The following TANGO6 variants were observed in gnomAD, a reference collection of about 807,000 sequenced individuals.
TANGO6 encodes transport and golgi organization 6 homolog.
A neutral mutation model predicts 114.2 loss-of-function variants in TANGO6; 90 were observed. That is an observed-to-expected ratio of 0.79 (90% CI 0.66 to 0.94). The LOEUF is 0.94. Ranked by LOEUF, TANGO6 falls within the 40% of genes least tolerant of loss-of-function variation. The pLI is 0.00. For missense variants in TANGO6, 1,274 were observed against 1,315.3 expected, an observed-to-expected ratio of 0.97 and a Z score of 0.49; for synonymous variants, 477 against 509.8, an observed-to-expected ratio of 0.94 and a Z score of 0.87.
chr16:68,925,300 ACT>A (rs1211399746), intron 12 of TANGO6, among the ~76,000 whole-genome samples: 4 of 151,850 alleles, frequency 2.6e-5, no homozygotes. Flanking sequence ...ATAGAGCAAG[ACT>A]CTGTCTCAAA....
chr16:68,853,186 G>A (rs1961933088), intron 1 of TANGO6, among the ~76,000 whole-genome samples: 1 of 151,536 alleles, frequency 6.6e-6, no homozygotes, highest in Admixed American at 6.6e-5. Flanking sequence ...GCTGAGGCAT[G>A]AGAATCACTT....
intron 16 of TANGO6, among the ~76,000 whole-genome samples, chr16:69,039,698 A>G (rs1284111022): frequency 1.3e-5 from 2 of 152,254 alleles, no homozygotes; most frequent in Non-Finnish European, 1.5e-5. Context: ...GTCCTATTCC[A>G]TATTCAGGAA....
At chr16:69,075,011 G>T (rs1046355956) in intron 17 of TANGO6, among the ~76,000 whole-genome samples, 4 of 151,856 alleles carry the variant, frequency 2.6e-5, no homozygotes, top group Non-Finnish European at 5.9e-5. Context: ...ACTACGCCTG[G>T]CTAATTTTTT....
intron 15 of TANGO6, among the ~76,000 whole-genome samples, chr16:68,997,155 G>A (rs1286157493): frequency 3.3e-5 from 5 of 152,170 alleles, no homozygotes; most frequent in African/African-American, 1.2e-4. Context: ...AGTGTCACAG[G>A]GTGAATCCCA....
intron 9 of TANGO6, among the ~76,000 whole-genome samples, chr16:68,904,146 G>A (rs374357091): frequency 2.0e-4 from 30 of 151,882 alleles, no homozygotes; most frequent in Non-Finnish European, 3.5e-4. Flanking sequence ...TTGCTCTGTC[G>A]CTCAGACTGG....
intron 15 of TANGO6, among the ~76,000 whole-genome samples, chr16:69,012,556 CAAAAAAAAAAAAA>C (rs1175561720): frequency 5.5e-5 from 2 of 36,510 alleles, no homozygotes; most frequent in Non-Finnish European, 1.0e-4. Context: ...AACTCTGTCT[CAAAAAAAAAAAAA>C]AAAAAAAAAG....
At chr16:68,927,522 T>A in intron 12 of TANGO6, 46 bp from the exon 13 acceptor site, 1 of 1,587,620 alleles carries the variant, frequency 6.3e-7, no homozygotes, top group Non-Finnish European at 8.6e-7. Flanking sequence ...CATATTGAAA[T>A]TTGCTATGTT....
chr16:68,994,505 A>G (rs548808900), intron 15 of TANGO6, among the ~76,000 whole-genome samples: 47 of 152,170 alleles, frequency 3.1e-4, no homozygotes, highest in African/African-American at 1.1e-3. Flanking sequence ...AGCCTATAAG[A>G]AGCAGGTAGC....
intron 17 of TANGO6, among the ~76,000 whole-genome samples, chr16:69,062,425 T>G (rs1960135582): frequency 6.6e-6 from 1 of 152,126 alleles, no homozygotes. Flanking sequence ...TATTATTAGA[T>G]TGTAAGAGTT....
Position 68,927,955 on chromosome 16 carries a change from C to T in TANGO6, c.2515C>T (p.Leu839Phe). 6.2e-7 allele frequency: 1 copy of T among 1,613,826 alleles called. No individual in the cohort carries two copies. Among genetic ancestry groups the T allele is most frequent in the East Asian group, 2.2e-5 (1 of 44,886 alleles). ...QKSGSVTTEQ[L>F]QEVLLSAYDP... ...ATCTGGAAGCGTAACCACAGAACAGCTCCAAGAGGTTCTTTTGTCAGCTTA... is the reference window on the plus strand; with the variant it reads ...ATCTGGAAGCGTAACCACAGAACAGTTCCAAGAGGTTCTTTTGTCAGCTTA... Residue 839 changes from leucine to phenylalanine, a missense_variant, in exon 13 of 18, where the codon CTC becomes TTC. Coordinates refer to ENST00000261778, the MANE Select transcript of TANGO6 (RefSeq NM_024562.2).
chr16:68,950,554 G>T (rs1351300785), intron 14 of TANGO6, among the ~76,000 whole-genome samples: 1 of 151,458 alleles, frequency 6.6e-6, no homozygotes, highest in African/African-American at 2.4e-5. Flanking sequence ...GACAGAGCGA[G>T]ACTCTGTTTT....
intron 14 of TANGO6, among the ~76,000 whole-genome samples, chr16:68,955,844 T>C (rs1232170543): frequency 2.0e-5 from 3 of 152,090 alleles, no homozygotes; most frequent in African/African-American, 7.2e-5. Context: ...ATGAGATAAC[T>C]CAGCTAAAAA....
chr16:68,919,351 T>C, intron 12 of TANGO6, 132 bp downstream of exon 12: 1 of 1,224,554 alleles, frequency 8.2e-7, no homozygotes, highest in Non-Finnish European at 1.1e-6. Context: ...AAGAAGTTAG[T>C]TTGTTAATGA....
chr16:68,962,989 G>T (rs1028032888), intron 14 of TANGO6, among the ~76,000 whole-genome samples: 12 of 150,854 alleles, frequency 8.0e-5, no homozygotes, highest in African/African-American at 2.7e-4. Flanking sequence ...AGTCACTCGG[G>T]AGGCTGAGGC....
At chr16:68,907,053 C>G (rs937720045) in intron 9 of TANGO6, among the ~76,000 whole-genome samples, 3 of 151,558 alleles carry the variant, frequency 2.0e-5, no homozygotes, top group Non-Finnish European at 2.9e-5. Flanking sequence ...CCTCGGCTTC[C>G]CAAAGTGCTG....
intron 14 of TANGO6, among the ~76,000 whole-genome samples, chr16:68,950,077 G>C (rs934576148): frequency 1.1e-4 from 16 of 152,184 alleles, no homozygotes; most frequent in African/African-American, 3.6e-4. Context: ...TGAATGAAAT[G>C]TCCAAAACAG....
intron 14 of TANGO6, among the ~76,000 whole-genome samples, chr16:68,964,847 G>C (rs1183020664): frequency 1.3e-5 from 2 of 152,068 alleles, no homozygotes. Flanking sequence ...GGGATTACAG[G>C]CGTGAGCCAC....
chr16:68,982,068 C>G (rs1963841267), intron 15 of TANGO6, among the ~76,000 whole-genome samples: 1 of 152,138 alleles, frequency 6.6e-6, no homozygotes, highest in Admixed American at 6.5e-5. Flanking sequence ...TACCAGGCAT[C>G]ATAAAATGCA....
At chr16:68,899,633 T>C (rs1413180583) in intron 7 of TANGO6, among the ~76,000 whole-genome samples, 2 of 152,018 alleles carry the variant, frequency 1.3e-5, no homozygotes, top group Non-Finnish European at 1.5e-5. Flanking sequence ...AGGGTCTTAC[T>C]CTGTCACCCA....
Sources: gnomAD v4.1 joint callset for allele counts (sites outside exome capture counted in the v4.1 genomes callset) on GRCh38, gnomAD v4.1.1 for gene constraint, MANE v1.5 for transcripts, NCBI Gene and HGNC (gene_info 2026-07-23, HGNC 2026-07-21) for gene names.